The following GRIK2 variants were observed in gnomAD, a reference collection of about 807,000 sequenced individuals.
The protein encoded by GRIK2 is glutamate ionotropic receptor kainate type subunit 2.
A neutral mutation model predicts 100.3 loss-of-function variants in GRIK2; 32 were observed. The observed-to-expected ratio is 0.32, with a 90% confidence interval of 0.24 to 0.43. GRIK2 has a LOEUF of 0.43. Among genes scored for constraint, GRIK2 ranks in the 20% least tolerant of loss-of-function variants. The probability of loss-of-function intolerance (pLI) is 1.00; values close to 1 mark genes in which losing one functional copy is unlikely to be tolerated. For synonymous variants in GRIK2, 417 were observed against 389.4 expected (o/e 1.07, Z -0.83); for missense variants, 843 against 1,114.9 (o/e 0.76, Z 3.47).
At chr6:101,945,978 A>C (rs1209048015) in intron 14 of GRIK2, among the ~76,000 whole-genome samples, 1 of 150,738 alleles carries the variant, frequency 6.6e-6, no homozygotes, top group East Asian at 2.0e-4. Context: ...TCAATATAAG[A>C]TTATTAATCA....
At chr6:101,852,513 C>T (rs367756707) in intron 10 of GRIK2, among the ~76,000 whole-genome samples, 23 of 152,238 alleles carry the variant, frequency 1.5e-4, no homozygotes, top group African/African-American at 5.1e-4. Flanking sequence ...CTATTCAATT[C>T]ATTTCAGCAG....
At chr6:101,748,875 G>T (rs1311693468) in intron 7 of GRIK2, among the ~76,000 whole-genome samples, 1 of 152,094 alleles carries the variant, frequency 6.6e-6, no homozygotes, top group African/African-American at 2.4e-5. Context: ...CTAGGAAGAA[G>T]ACATTGGCTT....
chr6:101,956,484 A>G (rs1478415733), intron 14 of GRIK2, among the ~76,000 whole-genome samples: 1 of 152,060 alleles, frequency 6.6e-6, no homozygotes, highest in Non-Finnish European at 1.5e-5. Flanking sequence ...TCATCGCCCC[A>G]ATAGTGAACA....
chr6:101,570,256 T>A (rs918379773), intron 2 of GRIK2, among the ~76,000 whole-genome samples: 1 of 152,066 alleles, frequency 6.6e-6, no homozygotes, highest in Non-Finnish European at 1.5e-5. Context: ...AATATTAATC[T>A]TGTAGGGTAA....
chr6:101,565,960 A>ATATATAT (rs1200173639), intron 2 of GRIK2, among the ~76,000 whole-genome samples: 1 of 128,236 alleles, frequency 7.8e-6, no homozygotes. Context: ...TATATATATA[A>ATATATAT]GCAAACTAGA....
rs188353186 is a variant in GRIK2, at chr6:101,611,577, T to G, written c.116-10372T>G. 1.3e-3 allele frequency among the ~76,000 whole-genome samples: 196 copies of G among 151,980 alleles called. 1 individual carries two copies. Among genetic ancestry groups the G allele is most frequent in the African/African-American group, 4.6e-3 (193 of 41,528 alleles). On this transcript the variant is annotated intron_variant, in intron 2 of 16. Transcript: ENST00000369134. Reference sequence around the variant, plus strand: ...ACTTAGCAACAATGAAGAAGGTTATTGTCATTAGAAATAAGGTTGAAAATA... The same window carrying G: ...ACTTAGCAACAATGAAGAAGGTTATGGTCATTAGAAATAAGGTTGAAAATA...
chr6:101,472,546 G>A (rs909729480), intron 2 of GRIK2, among the ~76,000 whole-genome samples: 4 of 151,686 alleles, frequency 2.6e-5, no homozygotes, highest in Admixed American at 1.3e-4. Flanking sequence ...TTAAAATCAG[G>A]AAAGCCTCCC....
chr6:101,836,929 G>T lies in GRIK2; in HGVS notation c.1317+18446G>T, dbSNP rs572971589. Among the ~76,000 whole-genome samples the T allele has an allele frequency of 2.5e-4, 38 of 152,086 alleles. No individual in the cohort carries two copies. The South Asian group carries it at 7.7e-3, about 31-fold the overall frequency. On this transcript the variant is annotated intron_variant, in intron 10 of 16. Coordinates refer to ENST00000369134, the MANE Select transcript of GRIK2 (RefSeq NM_021956.5). ...TCTGCCCTCCTCGGCCTCCCAAAGT[G>T]CCAGGATTACAGGTGTGAGCCACCA...
chr6:101,765,383 ATG>A (rs988228428), intron 7 of GRIK2, among the ~76,000 whole-genome samples: 2 of 152,078 alleles, frequency 1.3e-5, no homozygotes, highest in African/African-American at 4.8e-5. Context: ...TGCTTTTTTA[ATG>A]TGTGTTTCAC....
chr6:101,975,370 G>A (rs1169089673), intron 14 of GRIK2, among the ~76,000 whole-genome samples: 1 of 151,890 alleles, frequency 6.6e-6, no homozygotes, highest in East Asian at 1.9e-4. Context: ...AATTCACCAA[G>A]ATTTAATAGG....
chr6:101,919,095 T>C (rs1444707147), intron 12 of GRIK2, among the ~76,000 whole-genome samples: 1 of 151,634 alleles, frequency 6.6e-6, no homozygotes, highest in Non-Finnish European at 1.5e-5. Flanking sequence ...TTAAAAATAT[T>C]GAGTCATATT....
chr6:101,934,924 A>T (rs1205485978), intron 14 of GRIK2, among the ~76,000 whole-genome samples: 1 of 152,006 alleles, frequency 6.6e-6, no homozygotes, highest in African/African-American at 2.4e-5. Context: ...CCTAAAAATA[A>T]TATTTAAAGA....
chr6:101,496,913 T>C (rs146845788), intron 2 of GRIK2, among the ~76,000 whole-genome samples: 1 of 152,298 alleles, frequency 6.6e-6, no homozygotes, highest in African/African-American at 2.4e-5. Flanking sequence ...CGTTGTTGCT[T>C]GATGACCCAT....
At chr6:102,045,024 A>G (rs1479029261) in intron 15 of GRIK2, among the ~76,000 whole-genome samples, 1 of 152,054 alleles carries the variant, frequency 6.6e-6, no homozygotes, top group Non-Finnish European at 1.5e-5. Flanking sequence ...AGATGATAAT[A>G]TGAGTGTCCT....
In GRIK2 at chr6:101,690,882, T is replaced by C. The variant is rs148777430; in HGVS notation, c.951+4529T>C. Reference sequence around the variant, plus strand: ...CTGTTACCTTTTAGATTGAATGTGCTGAGTCCTCCAGATATTTTATATGTG... The same window carrying C: ...CTGTTACCTTTTAGATTGAATGTGCCGAGTCCTCCAGATATTTTATATGTG... On this transcript the variant is annotated intron_variant, in intron 7 of 16. Coordinates refer to ENST00000369134, the MANE Select transcript of GRIK2 (RefSeq NM_021956.5). 2.5e-3 allele frequency among the ~76,000 whole-genome samples: 388 copies of C among 152,328 alleles called. 7 individuals carry two copies. The highest frequency in any genetic ancestry group is 9.0e-3 in the African/African-American group (376 of 41,568).
intron 15 of GRIK2, among the ~76,000 whole-genome samples, chr6:102,048,386 C>T (rs1771008195): frequency 6.6e-6 from 1 of 151,352 alleles, no homozygotes; most frequent in Admixed American, 6.6e-5. Flanking sequence ...AAAGTTTCTG[C>T]AAAGGAAGGA....
At chr6:102,013,461 C>T (rs1795657242) in intron 14 of GRIK2, among the ~76,000 whole-genome samples, 1 of 151,592 alleles carries the variant, frequency 6.6e-6, no homozygotes, top group Non-Finnish European at 1.5e-5. Context: ...TCACGACTTT[C>T]AATACTATTT....
chr6:101,631,606 G>T (rs1780746134), intron 4 of GRIK2, among the ~76,000 whole-genome samples: 1 of 152,148 alleles, frequency 6.6e-6, no homozygotes, highest in South Asian at 2.1e-4. Flanking sequence ...TCCAGTGACT[G>T]GCTCTCCTGC....
chr6:101,466,495 G>A (rs2518234), intron 2 of GRIK2, among the ~76,000 whole-genome samples: 146,613 of 151,994 alleles, frequency 0.96, 70,747 homozygotes, highest in African/African-American at 0.99. Flanking sequence ...GTCAGTTGCT[G>A]TGTAAATAAA....
Sources: gnomAD v4.1 joint callset for allele counts (sites outside exome capture counted in the v4.1 genomes callset) on GRCh38, gnomAD v4.1.1 for gene constraint, MANE v1.5 for transcripts, NCBI Gene and HGNC (gene_info 2026-07-23, HGNC 2026-07-21) for gene names.